Variants in LRMDA observed in about 807,000 individuals in gnomAD.
The protein encoded by LRMDA is leucine rich melanocyte differentiation associated, also known as leucine-rich melanocyte differentiation-associated protein.
A neutral mutation model predicts 29.8 loss-of-function variants in LRMDA; 18 were observed. The ratio of observed to expected loss-of-function variants is 0.60; its 90% CI spans 0.42 to 0.90. The LOEUF (loss-of-function observed/expected upper bound fraction) is 0.90. Among genes scored for constraint, LRMDA ranks in the 40% least tolerant of loss-of-function variants. The pLI is 0.00. For synonymous variants in LRMDA, 125 were observed against 109.4 expected, an observed-to-expected ratio of 1.14 and a Z score of -0.89; for missense variants, 273 against 273.9, an observed-to-expected ratio of 1.00 and a Z score of 0.02.
intron 6 of LRMDA, among the ~76,000 whole-genome samples, chr10:76,336,926 A>T (rs1219865971): frequency 6.6e-6 from 1 of 152,074 alleles, no homozygotes; most frequent in Non-Finnish European, 1.5e-5. Flanking sequence ...TTTCCTTGTT[A>T]TGTCTAATTT....
intron 5 of LRMDA, among the ~76,000 whole-genome samples, chr10:76,319,836 A>G (rs1247081304): frequency 6.6e-6 from 1 of 152,122 alleles, no homozygotes; most frequent in Non-Finnish European, 1.5e-5. Flanking sequence ...GCTCCACTTG[A>G]GCTGAGTGAT....
At chr10:76,445,840 A>G (rs1842348902) in intron 6 of LRMDA, among the ~76,000 whole-genome samples, 1 of 152,216 alleles carries the variant, frequency 6.6e-6, no homozygotes, top group South Asian at 2.1e-4. Context: ...TTAAGAAGTA[A>G]TGGAGAAAAA....
chr10:76,380,575 A>G (rs1161076466), intron 6 of LRMDA, among the ~76,000 whole-genome samples: 2 of 151,318 alleles, frequency 1.3e-5, no homozygotes, highest in Non-Finnish European at 2.9e-5. Flanking sequence ...TTGCTGAGGC[A>G]GGAGAATGGT....
chr10:75,687,163 G>C (rs976111137), intron 2 of LRMDA, among the ~76,000 whole-genome samples: 5 of 152,164 alleles, frequency 3.3e-5, no homozygotes, highest in Non-Finnish European at 5.9e-5. Flanking sequence ...GCAAGAAAAA[G>C]TCACATACCT....
At chr10:75,979,841 A>G (rs1847134649) in intron 2 of LRMDA, among the ~76,000 whole-genome samples, 3 of 152,172 alleles carry the variant, frequency 2.0e-5, no homozygotes, top group Admixed American at 2.0e-4. Context: ...GCAGGACACA[A>G]CAGGCAAAAG....
intron 6 of LRMDA, among the ~76,000 whole-genome samples, chr10:76,555,538 C>G (rs1843545652): frequency 6.6e-6 from 1 of 152,182 alleles, no homozygotes; most frequent in South Asian, 2.1e-4. Flanking sequence ...CTCTGATAGA[C>G]TATTTGACCC....
intron 5 of LRMDA, among the ~76,000 whole-genome samples, chr10:76,284,418 A>G (rs1214076424): frequency 6.6e-6 from 1 of 152,118 alleles, no homozygotes; most frequent in East Asian, 1.9e-4. Flanking sequence ...TGGGAAAGGC[A>G]AGGAAACGTG....
chr10:75,857,364 G>T (rs1427713139), intron 2 of LRMDA, among the ~76,000 whole-genome samples: 1 of 152,166 alleles, frequency 6.6e-6, no homozygotes, highest in East Asian at 1.9e-4. Context: ...AAAAGAGAGA[G>T]AAAAATCATC....
intron 2 of LRMDA, among the ~76,000 whole-genome samples, chr10:75,489,340 C>G (rs1387088240): frequency 6.6e-6 from 1 of 151,692 alleles, no homozygotes; most frequent in African/African-American, 2.4e-5. Context: ...TTGGACTGGT[C>G]TCTGTGACTT....
At chr10:75,972,816 G>A (rs1396011195) in intron 2 of LRMDA, among the ~76,000 whole-genome samples, 1 of 152,100 alleles carries the variant, frequency 6.6e-6, no homozygotes. Flanking sequence ...TCCTGTGCTG[G>A]GATCTCCAAG....
intron 5 of LRMDA, among the ~76,000 whole-genome samples, chr10:76,155,639 A>T (rs940661530): frequency 6.6e-6 from 1 of 152,140 alleles, no homozygotes; most frequent in Non-Finnish European, 1.5e-5. Context: ...GGGATGGTGG[A>T]ATCACAACAT....
At chr10:76,487,496 A>G (rs1375668244) in intron 6 of LRMDA, among the ~76,000 whole-genome samples, 2 of 151,894 alleles carry the variant, frequency 1.3e-5, no homozygotes. Flanking sequence ...TGTGAGAATG[A>G]TGATACCATA....
chr10:76,360,320 G>T (rs920715475), intron 6 of LRMDA, among the ~76,000 whole-genome samples: 1 of 152,040 alleles, frequency 6.6e-6, no homozygotes, highest in Non-Finnish European at 1.5e-5. Flanking sequence ...TGGTTCACAT[G>T]GTCTTGGTAT....
At chr10:76,281,421 T>C (rs923357449) in intron 5 of LRMDA, among the ~76,000 whole-genome samples, 2 of 152,196 alleles carry the variant, frequency 1.3e-5, no homozygotes, top group African/African-American at 4.8e-5. Flanking sequence ...TTGAGTGCCC[T>C]CTACTTCTGG....
intron 2 of LRMDA, among the ~76,000 whole-genome samples, chr10:75,973,476 T>TGGAATGATCTCCACTCACTGCAAC (rs1422209923): frequency 1.3e-5 from 2 of 150,756 alleles, no homozygotes; most frequent in Non-Finnish European, 2.9e-5. Context: ...TGGAGTGCAA[T>TGGAATGATCTCCACTCACTGCAAC]GGCATGATCT....
intron 2 of LRMDA, among the ~76,000 whole-genome samples, chr10:75,665,766 C>T (rs776950758): frequency 1.6e-4 from 25 of 152,118 alleles, no homozygotes; most frequent in Admixed American, 3.9e-4. Context: ...CTTATCTATG[C>T]CTTACATTGT....
intron 6 of LRMDA, among the ~76,000 whole-genome samples, chr10:76,331,536 G>A (rs888278968): frequency 3.3e-5 from 5 of 152,080 alleles, no homozygotes; most frequent in Admixed American, 1.3e-4. Context: ...TTGAAAAGTG[G>A]CAAAAGGAAA....
intron 6 of LRMDA, among the ~76,000 whole-genome samples, chr10:76,408,185 T>C: frequency 6.6e-6 from 1 of 152,162 alleles, no homozygotes; most frequent in Non-Finnish European, 1.5e-5. Flanking sequence ...TACAATGAAA[T>C]TTCTCATTCC....
chr10:76,482,527 G>T (rs1029085602), intron 6 of LRMDA, among the ~76,000 whole-genome samples: 1 of 151,836 alleles, frequency 6.6e-6, no homozygotes, highest in Non-Finnish European at 1.5e-5. Flanking sequence ...GCAGAACTTT[G>T]TTCATTCTGA....
Sources: gnomAD v4.1 joint callset for allele counts (sites outside exome capture counted in the v4.1 genomes callset) on GRCh38, gnomAD v4.1.1 for gene constraint, MANE v1.5 for transcripts, NCBI Gene and HGNC (gene_info 2026-07-23, HGNC 2026-07-21) for gene names.